The following GLRX3 variants were observed in gnomAD, a reference collection of about 807,000 sequenced individuals.
GLRX3 encodes the protein glutaredoxin-3.
A neutral mutation model predicts 49.5 loss-of-function variants in GLRX3; 22 were observed. That is an observed-to-expected ratio of 0.44 (90% CI 0.32 to 0.63). The LOEUF is 0.63. GLRX3 is among the 30% of genes least tolerant of loss of function. GLRX3 has a pLI of 0.05. For missense variants in GLRX3, 385 were observed against 396.3 expected (o/e 0.97, Z 0.24); for synonymous variants, 133 against 140.0 (o/e 0.95, Z 0.35).
At chr10:130,158,360 C>T (rs1214907792) in intron 2 of GLRX3, among the ~76,000 whole-genome samples, 1 of 152,106 alleles carries the variant, frequency 6.6e-6, no homozygotes, top group Admixed American at 6.5e-5. Flanking sequence ...TTACAGGCAC[C>T]CGCCATCATG....
chr10:130,139,949 AT>A (rs1862143027), intron 1 of GLRX3, among the ~76,000 whole-genome samples: 1 of 152,146 alleles, frequency 6.6e-6, no homozygotes, highest in Non-Finnish European at 1.5e-5. Context: ...AAGTGCCCGA[AT>A]TTTAGTACTT....
intron 2 of GLRX3, 123 bp downstream of exon 2, chr10:130,145,442 C>T (rs1199253028): frequency 1.8e-6 from 1 of 543,520 alleles, no homozygotes; most frequent in African/African-American, 1.9e-5. Context: ...GCGGGCAGAT[C>T]ACCTGAGTTC....
chr10:130,138,124 T>C (rs1862101017), intron 1 of GLRX3, among the ~76,000 whole-genome samples: 1 of 151,788 alleles, frequency 6.6e-6, no homozygotes, highest in Non-Finnish European at 1.5e-5. Flanking sequence ...TGGCGTGATC[T>C]CGGCTCACTG....
intron 10 of GLRX3, among the ~76,000 whole-genome samples, chr10:130,176,168 G>T (rs1189251515): frequency 1.6e-4 from 23 of 147,924 alleles, no homozygotes; most frequent in African/African-American, 5.8e-4. Context: ...GTTCCCCACT[G>T]GAGTGCAATG....
intron 2 of GLRX3, among the ~76,000 whole-genome samples, chr10:130,151,008 A>G (rs1194249874): frequency 6.6e-6 from 1 of 151,586 alleles, no homozygotes. Flanking sequence ...GCTCACTGCA[A>G]CCTCTGCCTC....
At chr10:130,176,756 C>T (rs1862928817) in intron 10 of GLRX3, among the ~76,000 whole-genome samples, 1 of 59,854 alleles carries the variant, frequency 1.7e-5, no homozygotes, top group African/African-American at 8.5e-5. Context: ...CTCCTTCCCT[C>T]CCTCCCTCCC....
chr10:130,165,474 G>T (rs750506465), intron 4 of GLRX3, among the ~76,000 whole-genome samples: 1 of 152,010 alleles, frequency 6.6e-6, no homozygotes, highest in South Asian at 2.1e-4. Context: ...TAAAATTGTC[G>T]CTATAGTGTA....
At chr10:130,170,645 A>G (rs1192829977) in intron 7 of GLRX3, among the ~76,000 whole-genome samples, 1 of 152,144 alleles carries the variant, frequency 6.6e-6, no homozygotes, top group Non-Finnish European at 1.5e-5. Flanking sequence ...TTAAGTGGAT[A>G]TTTATTCTCA....
At chr10:130,176,985 A>G (rs1008292847) in intron 10 of GLRX3, among the ~76,000 whole-genome samples, 1 of 152,132 alleles carries the variant, frequency 6.6e-6, no homozygotes, top group Non-Finnish European at 1.5e-5. Flanking sequence ...TTAGTTATAT[A>G]ACAGAGTGTT....
At chr10:130,158,135 G>C (rs963080925) in intron 2 of GLRX3, among the ~76,000 whole-genome samples, 1 of 152,148 alleles carries the variant, frequency 6.6e-6, no homozygotes, top group Non-Finnish European at 1.5e-5. Flanking sequence ...AGCAGGAATT[G>C]TAAGAGGTCA....
In GLRX3 at chr10:130,178,963, C is replaced by T. The variant is rs1294223735; in HGVS notation, c.958-379C>T. On this transcript the variant is annotated intron_variant, in intron 10 of 10. Transcript: ENST00000331244. ...AGGTGATCTGCCCTCCTCGGCCTCC[C>T]AACGTGCTGGGATTACAGGCATGAG... 2.0e-5 allele frequency among the ~76,000 whole-genome samples: 3 copies of T among 151,994 alleles called. No homozygotes were observed. In the East Asian group the frequency reaches 5.9e-4, roughly 30 times the overall value.
chr10:130,179,172 GTATTCAGGGTT>G (rs567277324), intron 10 of GLRX3, among the ~76,000 whole-genome samples, 159 bp from the exon 11 acceptor site: 15 of 152,270 alleles, frequency 9.9e-5, no homozygotes, highest in African/African-American at 3.4e-4. Context: ...ACCTGATAGT[GTATTCAGGGTT>G]TATGGCTCAT....
At chr10:130,178,754 G>A (rs1190994774) in intron 10 of GLRX3, among the ~76,000 whole-genome samples, 1 of 152,202 alleles carries the variant, frequency 6.6e-6, no homozygotes. Context: ...CCAGGCTGGA[G>A]TGCAATGGCA....
At chr10:130,150,904 C>A (rs1014118552) in intron 2 of GLRX3, among the ~76,000 whole-genome samples, 1 of 151,134 alleles carries the variant, frequency 6.6e-6, no homozygotes, top group African/African-American at 2.4e-5. Context: ...TCTAAAAATG[C>A]GTCTCAGATA....
chr10:130,145,332 C>G lies in GLRX3; in HGVS notation c.201+13C>G. ...TTCATTTGTGAAGGTATTTATATTTCAATGTCATGTCTTTTGTGAATTTAA... is the reference window on the plus strand; with the variant it reads ...TTCATTTGTGAAGGTATTTATATTTGAATGTCATGTCTTTTGTGAATTTAA... On this transcript the variant is annotated intron_variant, in intron 2 of 10. Transcript: ENST00000331244. The G allele has an allele frequency of 9.0e-7, 1 of 1,110,126 alleles. No individual in the cohort carries two copies. The highest frequency in any genetic ancestry group is 1.2e-5 in the South Asian group (1 of 80,812). The allele number at this position is 1,110,126 out of a possible 1,614,324, so 68.8% of individuals were successfully genotyped here.
intron 4 of GLRX3, among the ~76,000 whole-genome samples, chr10:130,162,227 G>A (rs1276312706): frequency 1.3e-5 from 2 of 152,182 alleles, no homozygotes; most frequent in African/African-American, 2.4e-5. Context: ...TGATCCGCCT[G>A]CCTTGGCCTC....
intron 6 of GLRX3, among the ~76,000 whole-genome samples, chr10:130,168,639 G>A (rs1475714374): frequency 6.6e-6 from 1 of 152,142 alleles, no homozygotes; most frequent in African/African-American, 2.4e-5. Flanking sequence ...GTGGAGACGG[G>A]GTTTCACCGT....
At chr10:130,163,775 T>C (rs554491456) in intron 4 of GLRX3, among the ~76,000 whole-genome samples, 1 of 152,342 alleles carries the variant, frequency 6.6e-6, no homozygotes, top group Admixed American at 6.5e-5. Context: ...TAGTGGAGCA[T>C]TGTTTTTGCT....
chr10:130,173,927 G>C (rs1179175061), intron 8 of GLRX3, among the ~76,000 whole-genome samples: 4 of 152,054 alleles, frequency 2.6e-5, no homozygotes, highest in Non-Finnish European at 5.9e-5. Flanking sequence ...CAGTTTTATG[G>C]AAAGTCCAGT....
Sources: allele counts gnomAD v4.1 joint callset (sites outside exome capture counted in the v4.1 genomes callset), GRCh38; gene constraint gnomAD v4.1.1; transcripts MANE v1.5; gene names NCBI Gene and HGNC (gene_info 2026-07-23, HGNC 2026-07-21).